CSGALNACT2: variants seen among roughly 807,000 people sequenced by gnomAD.
The protein encoded by CSGALNACT2 is beta 4 GalNAcT-2.
CSGALNACT2 carries 35 observed loss-of-function variants against 55.3 expected under a neutral mutation model. The observed-to-expected ratio is 0.63, with a 90% CI of 0.48 to 0.84. CSGALNACT2 has a LOEUF of 0.84. CSGALNACT2 is among the 40% of genes least tolerant of loss of function. The pLI is 0.00. For missense variants in CSGALNACT2, 544 were observed against 657.5 expected (o/e 0.83, Z 1.89); for synonymous variants, 196 against 224.9 (o/e 0.87, Z 1.15).
At chr10:43,152,840 T>C (rs1289621754) in intron 1 of CSGALNACT2, among the ~76,000 whole-genome samples, 2 of 152,308 alleles carry the variant, frequency 1.3e-5, no homozygotes, top group Middle Eastern at 3.4e-3. Context: ...ATAAATGGGC[T>C]AGTAATAGTT....
intron 5 of CSGALNACT2, among the ~76,000 whole-genome samples, chr10:43,165,013 A>G (rs879271946): frequency 2.8e-4 from 43 of 152,134 alleles, no homozygotes; most frequent in Non-Finnish European, 4.6e-4. Context: ...CACGAGGTCA[A>G]GAGATGGAGA....
chr10:43,141,451 A>G (rs955445395), intron 1 of CSGALNACT2, among the ~76,000 whole-genome samples: 23 of 151,422 alleles, frequency 1.5e-4, no homozygotes, highest in African/African-American at 4.8e-4. Context: ...TCCTGACCTC[A>G]TGATCCACCT....
intron 6 of CSGALNACT2, among the ~76,000 whole-genome samples, chr10:43,173,704 A>ATAAT (rs3062294): frequency 0.044 from 6,662 of 152,276 alleles, 181 homozygotes; most frequent in South Asian, 0.088. Context: ...AGAGATAAGA[A>ATAAT]TATTAGAGAC....
At chr10:43,147,753 CTG>C (rs1838789380) in intron 1 of CSGALNACT2, among the ~76,000 whole-genome samples, 1 of 135,390 alleles carries the variant, frequency 7.4e-6, no homozygotes, top group South Asian at 2.4e-4. Flanking sequence ...AGAGAAATGT[CTG>C]TTCAGATCTT....
intron 1 of CSGALNACT2, among the ~76,000 whole-genome samples, chr10:43,146,793 T>C (rs1838758579): frequency 6.6e-6 from 1 of 151,598 alleles, no homozygotes; most frequent in Non-Finnish European, 1.5e-5. Context: ...TTAACAAAAC[T>C]ATTTTATATT....
chr10:43,163,743 G>C (rs1425399478), intron 4 of CSGALNACT2, 123 bp from the exon 5 acceptor site: 11 of 1,357,174 alleles, frequency 8.1e-6, no homozygotes, highest in Non-Finnish European at 1.0e-5. Context: ...TTCCCTTTGT[G>C]AATGTAGAAC....
At chr10:43,182,750 G>A (rs77436709) in intron 7 of CSGALNACT2, among the ~76,000 whole-genome samples, 3,418 of 151,052 alleles carry the variant, frequency 0.023, 65 homozygotes, top group Non-Finnish European at 0.037. Context: ...GGTGACATGC[G>A]CCTGTGGTCC....
At position 43,165,019 on chromosome 10, in the gene CSGALNACT2, G is replaced by A. The variant is rs537543578; in HGVS notation, c.1159+975G>A. ...CGGGCGGATCACGAGGTCAAGAGATGGAGACCATCCTGGCTAACACAGTGA... is the reference window on the plus strand; with the variant it reads ...CGGGCGGATCACGAGGTCAAGAGATAGAGACCATCCTGGCTAACACAGTGA... On this transcript the variant is annotated intron_variant, in intron 5 of 7. Coordinates refer to ENST00000374466, the MANE Select transcript of CSGALNACT2 (RefSeq NM_018590.5). 9.6e-4 allele frequency among the ~76,000 whole-genome samples: 145 copies of A among 151,482 alleles called. 2 individuals are homozygous for A. The highest frequency in any genetic ancestry group is 1.5e-3 in the Non-Finnish European group (102 of 67,794).
chr10:43,183,137 T>A (rs1839623508), intron 7 of CSGALNACT2, 113 bp from the exon 8 acceptor site: 1 of 838,746 alleles, frequency 1.2e-6, no homozygotes, highest in Admixed American at 2.2e-5. Context: ...CGTGCTACCT[T>A]TTTGCTGAAC....
chr10:43,143,493 ATGTGTGTGTG>A lies in CSGALNACT2; in HGVS notation c.-254+4961_-254+4970del, dbSNP rs3983257. On this transcript the variant is annotated intron_variant, in intron 1 of 7. Coordinates refer to ENST00000374466, the MANE Select transcript of CSGALNACT2 (RefSeq NM_018590.5). ...TTTAAATCAAGTTTGCTCTCCAAAAATGTGTGTGTGTGTGTGTGTGTGTGTGTGTGTGTGT... is the reference window on the plus strand; with the variant it reads ...TTTAAATCAAGTTTGCTCTCCAAAAATGTGTGTGTGTGTGTGTGTGTGTGT... 1.8e-3 allele frequency among the ~76,000 whole-genome samples: 260 copies of A among 141,964 alleles called. 1 individual carries two copies. Among genetic ancestry groups the A allele is most frequent in the Middle Eastern group, 7.1e-3 (2 of 280 alleles). 93.1% of individuals were successfully genotyped at this position (141,964 alleles called of 152,430 possible).
rs1838962342 is a variant in CSGALNACT2, at chr10:43,155,051, A to G, written c.-99A>G. 3.0e-6 allele frequency: 3 copies of G among 1,012,396 alleles called. No homozygotes were observed. Among genetic ancestry groups the G allele is most frequent in the Non-Finnish European group, 4.4e-6 (3 of 687,806 alleles). 62.7% of individuals were successfully genotyped at this position (1,012,396 alleles called of 1,614,324 possible). A position where few individuals can be genotyped will look rare whatever the true frequency, so the allele number is the denominator to read the frequency against. ...CTTAAAGCTACGGCAGAATTATTTT[A>G]TGGAAATTCTGATTTTGTTTTTAAT... On this transcript the variant is annotated 5_prime_UTR_variant, in exon 2 of 8. The change abolishes an upstream ATG in the 5' untranslated region. Transcript: ENST00000374466.
At chr10:43,149,502 T>C (rs2133100651) in intron 1 of CSGALNACT2, among the ~76,000 whole-genome samples, 1 of 152,348 alleles carries the variant, frequency 6.6e-6, no homozygotes, top group East Asian at 1.9e-4. Context: ...ATTGCATTAA[T>C]TGATTTTCAG....
In CSGALNACT2 at chr10:43,183,518, G is replaced by A; in HGVS notation, c.1605G>A (p.Arg535=). Residue 535 remains arginine (R), a synonymous_variant, in exon 8 of 8, where the codon AGG becomes AGA. Transcript: ENST00000374466. ...CGCATCTTCATAAACAGGCATACAG[G>A]ACAAACAGTGAAGCTGTTGGTTGAA... ...IETHLHKQAY[R]TNSEAVG is the part of the protein sequence containing the mutation. 6.2e-7 allele frequency: 1 copy of A among 1,614,002 alleles called. No homozygotes were observed. Among genetic ancestry groups the A allele is most frequent in the Non-Finnish European group, 8.5e-7 (1 of 1,179,894 alleles).
At chr10:43,175,346 T>G (rs904773677) in intron 6 of CSGALNACT2, among the ~76,000 whole-genome samples, 1 of 152,220 alleles carries the variant, frequency 6.6e-6, no homozygotes, top group African/African-American at 2.4e-5. Flanking sequence ...CTAGTGAGTC[T>G]CTTAGAAGAA....
chr10:43,138,985 G>A (rs186027672), intron 1 of CSGALNACT2, among the ~76,000 whole-genome samples: 27 of 152,092 alleles, frequency 1.8e-4, no homozygotes, highest in African/African-American at 6.3e-4. Context: ...CGGAGGAGAT[G>A]GGGAGCCTCT....
chr10:43,175,907 C>G (rs753852596), intron 6 of CSGALNACT2, 44 bp from the exon 7 acceptor site: 2 of 1,502,850 alleles, frequency 1.3e-6, no homozygotes, highest in Admixed American at 4.0e-5. Context: ...ACTTCTGCTT[C>G]TTATGGAATT....
At chr10:43,180,685 T>A (rs1839573859) in intron 7 of CSGALNACT2, among the ~76,000 whole-genome samples, 1 of 152,212 alleles carries the variant, frequency 6.6e-6, no homozygotes, top group Non-Finnish European at 1.5e-5. Context: ...AAGTTGGACT[T>A]GATATACTGC....
rs764489298 is a variant in CSGALNACT2 at position 43,160,525 on chromosome 10, C to A, written c.910C>A (p.His304Asn). 3 of 1,582,916 alleles carry A rather than the reference C, an allele frequency of 1.9e-6. No individual in the cohort carries two copies. Among genetic ancestry groups the A allele is most frequent in the Non-Finnish European group, 1.7e-6 (2 of 1,153,702 alleles). ...TTGTATTCATCAAGACAAGAAGATTCATCTCACAGTGGTGTATTTTGGTAA... is the reference window on the plus strand; with the variant it reads ...TTGTATTCATCAAGACAAGAAGATTAATCTCACAGTGGTGTATTTTGGTAA... ...DVCIHQDKKI[H>N]LTVVYFGKEG... Residue 304 changes from histidine to asparagine, a missense_variant, in exon 4 of 8, where the codon CAT (histidine) becomes AAT (asparagine). His to Asn is a moderately conservative substitution (Grantham distance 68). Coordinates refer to ENST00000374466, the MANE Select transcript of CSGALNACT2 (RefSeq NM_018590.5).
At chr10:43,164,403 G>C (rs1323608536) in intron 5 of CSGALNACT2, among the ~76,000 whole-genome samples, 2 of 152,096 alleles carry the variant, frequency 1.3e-5, no homozygotes, top group Non-Finnish European at 2.9e-5. Flanking sequence ...CTCAGCTTTG[G>C]GCATATAGCG....
Sources: allele counts gnomAD v4.1 joint callset (sites outside exome capture counted in the v4.1 genomes callset), GRCh38; gene constraint gnomAD v4.1.1; transcripts MANE v1.5; gene names NCBI Gene and HGNC (gene_info 2026-07-23, HGNC 2026-07-21).